TRPM6: variants seen among roughly 807,000 people sequenced by gnomAD.
TRPM6 encodes the protein channel kinase 2.
TRPM6 carries 111 observed loss-of-function variants against 247.6 expected under a neutral mutation model. The observed-to-expected ratio is 0.45, with a 90% confidence interval of 0.38 to 0.52. The LOEUF is 0.52. Among genes scored for constraint, TRPM6 ranks in the 20% least tolerant of loss-of-function variants. The pLI is 0.00. For synonymous variants in TRPM6, 892 were observed against 853.8 expected (o/e 1.04, Z -0.78); for missense variants, 2,126 against 2,421.5 (o/e 0.88, Z 2.56).
In TRPM6 at chr9:74,728,299, T is replaced by C. The variant is rs1332334717; in HGVS notation, c.5875A>G (p.Ile1959Val). ...TGATGTTTTGCAATGAAGTTTCTAA[T>C]TGCATCTTCCCCCAAATTGGCCGGT... ...FGPANLGEDA[I>V]RNFIAKHHCN... The change falls in exon 38 of 39, where the codon ATT (isoleucine) becomes GTT (valine). Residue 1959 changes from isoleucine to valine, a missense_variant. Ile to Val is a conservative substitution (Grantham distance 29). Around this residue, in one of 3 missense-constraint regions of TRPM6, gnomAD observed 327 missense variants for 397.7 expected, o/e 0.82. Coordinates refer to ENST00000360774, the MANE Select transcript of TRPM6 (RefSeq NM_017662.5). 6.2e-7 allele frequency: 1 copy of C among 1,614,154 alleles called. No individual in the cohort carries two copies. Among genetic ancestry groups the C allele is most frequent in the Non-Finnish European group, 8.5e-7 (1 of 1,180,020 alleles).
In TRPM6 at chr9:74,821,850, A is replaced by G. The variant is rs1829139057; in HGVS notation, c.842-13T>C. 1.9e-6 allele frequency: 3 copies of G among 1,613,910 alleles called. No homozygotes were observed. The highest frequency in any genetic ancestry group is 2.7e-5 in the African/African-American group (2 of 74,910). ...CCTTGTCTTGAGCCTATTCCAGACC[A>G]CAAACAATACCACACTGTTAGAGAA... is the stretch of plus-strand genomic sequence containing the variant. On this transcript the variant is annotated splice_polypyrimidine_tract_variant and intron_variant, in intron 7 of 38. Coordinates refer to ENST00000360774, the MANE Select transcript of TRPM6 (RefSeq NM_017662.5).
At chr9:74,758,951 T>G (rs1165836483) in intron 27 of TRPM6, among the ~76,000 whole-genome samples, 4 of 152,098 alleles carry the variant, frequency 2.6e-5, no homozygotes, top group Non-Finnish European at 5.9e-5. Flanking sequence ...AGGACCAGTA[T>G]TAAAAAATTT....
At position 74,762,659 on chromosome 9, in the gene TRPM6, G is replaced by A; in HGVS notation, c.4012C>T (p.His1338Tyr). The A allele has an allele frequency of 1.2e-6, 2 of 1,614,190 alleles. No homozygotes were observed. Among genetic ancestry groups the A allele is most frequent in the Non-Finnish European group, 8.5e-7 (1 of 1,180,032 alleles). Reference protein sequence around the residue: ...VSGVSPNRQAHSKYGQFLLVP... With the variant: ...VSGVSPNRQAYSKYGQFLLVP... Reference sequence around the variant, plus strand: ...AGAAGAAACTGGCCATACTTTGAGTGTGCTTGCCTGTTAGGAGACACCCCA... The same window carrying A: ...AGAAGAAACTGGCCATACTTTGAGTATGCTTGCCTGTTAGGAGACACCCCA... Residue 1338 changes from histidine to tyrosine, a missense_variant, in exon 26 of 39, where the codon CAC becomes TAC. His to Tyr is a moderately conservative substitution (Grantham distance 83). This residue lies in a region of TRPM6 where 717 missense variants were observed against 715.9 expected (regional missense o/e 1.00). Transcript: ENST00000360774.
At chr9:74,887,236 C>T in intron 1 of TRPM6, 1 of 1,275,082 alleles carries the variant, frequency 7.8e-7, no homozygotes, top group Non-Finnish European at 9.9e-7. Flanking sequence ...TTTACCGTAA[C>T]CGGCGCTGTC....
At chr9:74,866,669 C>G (rs1294696077) in intron 1 of TRPM6, among the ~76,000 whole-genome samples, 1 of 152,016 alleles carries the variant, frequency 6.6e-6, no homozygotes, top group East Asian at 1.9e-4. Flanking sequence ...TCAGTAGAGA[C>G]AGGGTTTTAC....
rs532059461 is a variant in TRPM6, at chr9:74,809,169, C to T, written c.1498-995G>A. Among the ~76,000 whole-genome samples the T allele has an allele frequency of 5.0e-4, 76 of 152,232 alleles. 1 individual carries two copies. Among genetic ancestry groups the T allele is most frequent in the African/African-American group, 1.8e-3 (73 of 41,550 alleles). On this transcript the variant is annotated intron_variant, in intron 13 of 38. Transcript: ENST00000360774. ...CAATAAAGAGAATATTGCAATAAAG[C>T]AAAACAAACAAACAAAACCATGAGG...
At chr9:74,743,993 G>C (rs140493587) in intron 32 of TRPM6, 102 bp downstream of exon 32, 26 of 1,165,718 alleles carry the variant, frequency 2.2e-5, no homozygotes, top group Non-Finnish European at 3.2e-5. Flanking sequence ...TTCAAGTCGC[G>C]AGCCATGTCA....
At position 74,782,064 on chromosome 9, in the gene TRPM6, A is replaced by G. The variant is rs7864721; in HGVS notation, c.3209+298T>C. 3.2e-3 allele frequency among the ~76,000 whole-genome samples: 485 copies of G among 152,326 alleles called. 3 individuals carry two copies. Among genetic ancestry groups the G allele is most frequent in the African/African-American group, 0.011 (469 of 41,560 alleles). On this transcript the variant is annotated intron_variant, in intron 23 of 38. Coordinates refer to ENST00000360774, the MANE Select transcript of TRPM6 (RefSeq NM_017662.5). ...ATACAGGAGGATGTGCCTAGGTTAT[A>G]TGAAATACTACACCATTTTCTATAA...
intron 27 of TRPM6, among the ~76,000 whole-genome samples, chr9:74,757,183 A>C (rs1030690635): frequency 3.3e-5 from 5 of 150,812 alleles, no homozygotes; most frequent in African/African-American, 4.9e-5. Context: ...GTCTAAAAAA[A>C]CAAACTAACT....
At position 74,733,622 on chromosome 9, in the gene TRPM6, CAG is replaced by C. The variant is rs369899466; in HGVS notation, c.5777-888_5777-887del. ...TGTTCAAACCAATTATGTCATCTGTCAGAGTTTGCACAGTCCATACATGGTCA... is the reference window on the plus strand; with the variant it reads ...TGTTCAAACCAATTATGTCATCTGTCAGTTTGCACAGTCCATACATGGTCA... On this transcript the variant is annotated intron_variant, in intron 36 of 38. Transcript: ENST00000360774. Among the ~76,000 whole-genome samples the C allele has an allele frequency of 2.2e-3, 335 of 152,330 alleles. 1 individual carries two copies. Among genetic ancestry groups the C allele is most frequent in the African/African-American group, 7.5e-3 (313 of 41,570 alleles).
chr9:74,819,512 CAAATAAATTAATT>C (rs1240889765), intron 9 of TRPM6, among the ~76,000 whole-genome samples: 1 of 152,054 alleles, frequency 6.6e-6, no homozygotes, highest in Non-Finnish European at 1.5e-5. Flanking sequence ...TTGTCTTTAC[CAAATAAATTAATT>C]AAATAAATTA....
intron 14 of TRPM6, among the ~76,000 whole-genome samples, chr9:74,805,314 A>G (rs1828491999): frequency 6.6e-6 from 1 of 152,186 alleles, no homozygotes; most frequent in South Asian, 2.1e-4. Flanking sequence ...ATGCTCTGTA[A>G]TGCAATTTCT....
chr9:74,788,044 A>G (rs923913460), intron 20 of TRPM6, among the ~76,000 whole-genome samples: 3 of 151,834 alleles, frequency 2.0e-5, no homozygotes, highest in Admixed American at 6.6e-5. Flanking sequence ...GTAACTCATT[A>G]CGAACTAGAA....
chr9:74,764,245 A>G (rs1163153294), intron 25 of TRPM6, among the ~76,000 whole-genome samples: 1 of 152,148 alleles, frequency 6.6e-6, no homozygotes, highest in Non-Finnish European at 1.5e-5. Flanking sequence ...CAAAAAGGAT[A>G]TGTTGAAGCC....
chr9:74,803,326 A>C (rs987578446), intron 15 of TRPM6, among the ~76,000 whole-genome samples: 10 of 151,908 alleles, frequency 6.6e-5, no homozygotes, highest in Admixed American at 6.6e-4. Flanking sequence ...ACTCATCATC[A>C]TTGTCATACT....
chr9:74,728,920 G>T (rs1825427139), intron 37 of TRPM6, among the ~76,000 whole-genome samples: 1 of 152,202 alleles, frequency 6.6e-6, no homozygotes, highest in African/African-American at 2.4e-5. Context: ...GGAAAGACAA[G>T]ACTATGACAC....
intron 25 of TRPM6, among the ~76,000 whole-genome samples, chr9:74,766,205 T>G (rs12004677): frequency 0.16 from 24,203 of 152,222 alleles, 2,114 homozygotes; most frequent in East Asian, 0.33. Flanking sequence ...AATAGAAACC[T>G]GTTAGACAAA....
chr9:74,812,156 C>T, intron 12 of TRPM6, 143 bp downstream of exon 12: 1 of 1,049,530 alleles, frequency 9.5e-7, no homozygotes, highest in African/African-American at 1.6e-5. Context: ...AAGCCTGGAA[C>T]TAGATCCAGC....
chr9:74,759,619 C>T (rs2118829826), intron 27 of TRPM6, among the ~76,000 whole-genome samples: 1 of 151,990 alleles, frequency 6.6e-6, no homozygotes, highest in Admixed American at 6.6e-5. Flanking sequence ...TCTTCATATA[C>T]AAAAATTACC....
Sources: gnomAD v4.1 joint callset for allele counts (sites outside exome capture counted in the v4.1 genomes callset) on GRCh38, gnomAD v4.1.1 for gene constraint, gnomAD v4.1.1 regional missense constraint, MANE v1.5 for transcripts, NCBI Gene and HGNC (gene_info 2026-07-23, HGNC 2026-07-21) for gene names.